The following EXOC6B variants were observed in gnomAD, a reference collection of about 807,000 sequenced individuals.
EXOC6B encodes the protein exocyst complex component 6B.
In EXOC6B, 54 loss-of-function variants were observed where a neutral mutation model predicts 113.5. That is an observed-to-expected ratio of 0.48 (90% CI 0.38 to 0.60). The LOEUF (loss-of-function observed/expected upper bound fraction) is 0.60. Ranked by LOEUF, EXOC6B falls within the 20% of genes least tolerant of loss-of-function variation. The probability of loss-of-function intolerance (pLI) is 0.00; values close to 1 mark genes in which losing one functional copy is unlikely to be tolerated. For missense variants in EXOC6B, 797 were observed against 977.5 expected, an observed-to-expected ratio of 0.82 and a Z score of 2.46; for synonymous variants, 357 against 339.0, an observed-to-expected ratio of 1.05 and a Z score of -0.58.
intron 18 of EXOC6B, chr2:72,464,003 T>A (rs1697875710): frequency 6.6e-6 from 1 of 152,170 alleles, no homozygotes; most frequent in South Asian, 2.1e-4. Context: ...GAAGTCTCTT[T>A]TATAAGTATA....
At chr2:72,384,777 A>T (rs1016321041) in intron 18 of EXOC6B, among the ~76,000 whole-genome samples, 5 of 152,106 alleles carry the variant, frequency 3.3e-5, no homozygotes, top group Non-Finnish European at 5.9e-5. Context: ...ACAACTATTT[A>T]AAAAAACTTG....
chr2:72,545,971 C>T (rs1042562364), intron 8 of EXOC6B, among the ~76,000 whole-genome samples: 1 of 152,168 alleles, frequency 6.6e-6, no homozygotes, highest in Non-Finnish European at 1.5e-5. Flanking sequence ...TTCCACTCTC[C>T]TAATCCTTTC....
chr2:72,772,111 C>T (rs1675455784), intron 1 of EXOC6B, among the ~76,000 whole-genome samples: 1 of 152,150 alleles, frequency 6.6e-6, no homozygotes, highest in Admixed American at 6.5e-5. Context: ...AAGACGGCTT[C>T]ACATTATCCA....
At chr2:72,669,323 T>C (rs1675624795) in intron 6 of EXOC6B, among the ~76,000 whole-genome samples, 2 of 151,110 alleles carry the variant, frequency 1.3e-5, no homozygotes, top group Admixed American at 1.3e-4. Context: ...GAATTAGTCA[T>C]AGAAATCTAA....
chr2:72,459,778 G>T (rs1256607420), intron 18 of EXOC6B, among the ~76,000 whole-genome samples: 1 of 152,074 alleles, frequency 6.6e-6, no homozygotes, highest in Non-Finnish European at 1.5e-5. Context: ...TGGCCATACT[G>T]CCCAAGGTAA....
chr2:72,415,751 C>T (rs966968741), intron 18 of EXOC6B, among the ~76,000 whole-genome samples: 2 of 151,896 alleles, frequency 1.3e-5, no homozygotes, highest in Non-Finnish European at 2.9e-5. Flanking sequence ...CATCACAAAG[C>T]GATTATGATC....
chr2:72,586,007 C>A (rs140935102), intron 6 of EXOC6B, among the ~76,000 whole-genome samples: 28 of 152,142 alleles, frequency 1.8e-4, no homozygotes, highest in Non-Finnish European at 3.1e-4. Context: ...AAAAGGAGTT[C>A]CTAATTCAAT....
chr2:72,720,369 A>G (rs1324837670), intron 5 of EXOC6B, among the ~76,000 whole-genome samples: 1 of 152,228 alleles, frequency 6.6e-6, no homozygotes, highest in Non-Finnish European at 1.5e-5. Flanking sequence ...TGATCCAACT[A>G]CATATTGTCT....
intron 18 of EXOC6B, among the ~76,000 whole-genome samples, chr2:72,437,565 G>A (rs1229394719): frequency 6.6e-6 from 1 of 152,220 alleles, no homozygotes; most frequent in Non-Finnish European, 1.5e-5. Flanking sequence ...CCCTGACTGG[G>A]GCTGCTGCCT....
At chr2:72,821,667 C>A (rs1686588017) in intron 1 of EXOC6B, among the ~76,000 whole-genome samples, 1 of 152,068 alleles carries the variant, frequency 6.6e-6, no homozygotes, top group South Asian at 2.1e-4. Context: ...CATGCTACCA[C>A]ATAGATGAAC....
intron 21 of EXOC6B, 99 bp downstream of exon 21, chr2:72,183,976 A>G: frequency 6.3e-6 from 4 of 639,296 alleles, no homozygotes; most frequent in Non-Finnish European, 1.1e-5. Context: ...GAACAAGGCT[A>G]TCTTTCAAGG....
intron 8 of EXOC6B, among the ~76,000 whole-genome samples, chr2:72,558,057 T>G (rs1703664673): frequency 6.6e-6 from 1 of 152,084 alleles, no homozygotes; most frequent in Admixed American, 6.5e-5. Context: ...AAAGAATGTC[T>G]TCTGAGAAAT....
In EXOC6B at chr2:72,556,281, T is replaced by G. The variant is rs148910274; in HGVS notation, c.915+3172A>C. Among the ~76,000 whole-genome samples the G allele has an allele frequency of 6.6e-4, 100 of 152,360 alleles. 1 individual carries two copies. In the East Asian group the frequency reaches 0.019, roughly 28 times the overall value. ...GCTTCACTATACAGTCCTTCTCCACTACAGCAATGCTTCTGCTCATTCCCC... is the reference window on the plus strand; with the variant it reads ...GCTTCACTATACAGTCCTTCTCCACGACAGCAATGCTTCTGCTCATTCCCC... On this transcript the variant is annotated intron_variant, in intron 8 of 21. Coordinates refer to ENST00000272427, the MANE Select transcript of EXOC6B (RefSeq NM_015189.3).
chr2:72,383,373 T>C (rs1291456616), intron 18 of EXOC6B, among the ~76,000 whole-genome samples: 2 of 152,076 alleles, frequency 1.3e-5, no homozygotes, highest in Middle Eastern at 6.8e-3. Context: ...GTCACACATG[T>C]GGCCAACAAG....
chr2:72,231,261 C>T (rs1681603929), intron 20 of EXOC6B, among the ~76,000 whole-genome samples: 1 of 152,078 alleles, frequency 6.6e-6, no homozygotes, highest in Admixed American at 6.5e-5. Flanking sequence ...GATTAGTCAA[C>T]AAGAGTGCTG....
At chr2:72,503,561 A>T (rs1470423692) in intron 11 of EXOC6B, among the ~76,000 whole-genome samples, 1 of 152,174 alleles carries the variant, frequency 6.6e-6, no homozygotes, top group Non-Finnish European at 1.5e-5. Flanking sequence ...ATATTCCATT[A>T]TATGAATGTA....
At chr2:72,359,164 C>G (rs1690149462) in intron 19 of EXOC6B, among the ~76,000 whole-genome samples, 1 of 151,950 alleles carries the variant, frequency 6.6e-6, no homozygotes, top group Non-Finnish European at 1.5e-5. Flanking sequence ...GATTTTTGCT[C>G]CTTGCTGTAT....
intron 20 of EXOC6B, among the ~76,000 whole-genome samples, chr2:72,217,136 G>A (rs779621183): frequency 2.6e-5 from 4 of 151,782 alleles, no homozygotes; most frequent in Non-Finnish European, 5.9e-5. Context: ...TGAACTAAAG[G>A]TTTACACTGT....
chr2:72,686,631 A>C (rs1365379350), intron 6 of EXOC6B, among the ~76,000 whole-genome samples: 1 of 152,202 alleles, frequency 6.6e-6, no homozygotes, highest in Admixed American at 6.5e-5. Context: ...TTACCCCGTC[A>C]ATAAAGTTAA....
Sources: gnomAD v4.1 joint callset for allele counts (sites outside exome capture counted in the v4.1 genomes callset) on GRCh38, gnomAD v4.1.1 for gene constraint, MANE v1.5 for transcripts, NCBI Gene and HGNC (gene_info 2026-07-23, HGNC 2026-07-21) for gene names.